Variants in ADSL observed in about 807,000 individuals in gnomAD.
The protein encoded by ADSL is adenylosuccinase.
Under a neutral mutation model 62.1 loss-of-function variants are expected in ADSL, and 44 were observed. That is an observed-to-expected ratio of 0.71 (90% CI 0.56 to 0.91). The LOEUF (loss-of-function observed/expected upper bound fraction) is 0.91. Ranked by LOEUF, ADSL falls within the 40% of genes least tolerant of loss-of-function variation. The pLI is 0.00. For missense variants in ADSL, 531 were observed against 627.4 expected (o/e 0.85, Z 1.64); for synonymous variants, 198 against 220.5 (o/e 0.90, Z 0.90).
intron 1 of ADSL, 103 bp from the exon 2 acceptor site, chr22:40,349,729 A>G: frequency 1.0e-6 from 1 of 996,408 alleles, no homozygotes; most frequent in Non-Finnish European, 1.5e-6. Flanking sequence ...GTTGGGAGAT[A>G]GGGTAGTGCT....
intron 6 of ADSL, among the ~76,000 whole-genome samples, chr22:40,359,624 G>A (rs1438381276): frequency 1.3e-5 from 2 of 150,406 alleles, no homozygotes; most frequent in African/African-American, 2.4e-5. Context: ...GGCAGCCTCC[G>A]CCTCCCAGTT....
At chr22:40,352,927 A>G in intron 2 of ADSL, 146 bp from the exon 3 acceptor site, 1 of 687,834 alleles carries the variant, frequency 1.5e-6, no homozygotes, top group East Asian at 2.8e-5. Flanking sequence ...AACTTGTGTT[A>G]GTATTTTCTG....
intron 9 of ADSL, among the ~76,000 whole-genome samples, chr22:40,362,200 C>G (rs1326531383): frequency 3.9e-5 from 6 of 152,278 alleles, no homozygotes; most frequent in African/African-American, 1.4e-4. Context: ...GCATCATTTT[C>G]TGTTTTATGT....
rs555241092 is a variant in ADSL at position 40,349,482 on chromosome 22, C to G, written c.154-350C>G. 3.3e-5 allele frequency among the ~76,000 whole-genome samples: 5 copies of G among 150,620 alleles called. No homozygotes were observed. The East Asian group carries it at 9.9e-4, about 30-fold the overall frequency. On this transcript the variant is annotated intron_variant, in intron 1 of 12. Transcript: ENST00000623063. ...CTCTGCCTCCTGGGTTCAAGCGATT[C>G]TCCAACCTCAGCCTCCTGAGTAGCT... is the stretch of plus-strand genomic sequence containing the variant.
chr22:40,354,148 G>A (rs565020464), intron 3 of ADSL, 100 bp from the exon 4 acceptor site: 37 of 1,038,320 alleles, frequency 3.6e-5, no homozygotes, highest in Admixed American at 6.7e-5. Flanking sequence ...ATGAGTTAGC[G>A]GTCTAATTTT....
Position 40,362,987 on chromosome 22 carries a change from C to G in ADSL, c.1017C>G (p.Ile339Met), listed in dbSNP as rs762710500. ...RTLDDSANRR[I>M]CLAEAFLTAD... is the part of the protein sequence containing the mutation. ...ATGGCTATTTGTTTTCTAGACGGAT[C>G]TGTTTGGCCGAGGCATTTCTTACCG... is the stretch of plus-strand genomic sequence containing the variant. The change falls in exon 10 of 13, where the codon ATC becomes ATG. Residue 339 changes from isoleucine (I) to methionine (M), a missense_variant. By Grantham distance (10) the Ile-to-Met change is conservative (BLOSUM62 1). Transcript: ENST00000623063. 1 of 1,613,646 alleles carries G rather than the reference C, an allele frequency of 6.2e-7. No individual in the cohort carries two copies. The highest frequency in any genetic ancestry group is 1.7e-5 in the Admixed American group (1 of 60,026).
rs1472708031 is a variant in ADSL at position 40,359,178 on chromosome 22, G to A, written c.655-82G>A. 13 of 1,586,170 alleles carry A rather than the reference G, an allele frequency of 8.2e-6. No homozygotes were observed. The Admixed American group carries it at 1.8e-4, about 22-fold the overall frequency. Reference sequence around the variant, plus strand: ...AAGGAAGTTGTGGGGGTTAGGGAGCGAGACCTGGGTAGGATGACAGGTTGA... The same window carrying A: ...AAGGAAGTTGTGGGGGTTAGGGAGCAAGACCTGGGTAGGATGACAGGTTGA... On this transcript the variant is annotated intron_variant, in intron 5 of 12. Transcript: ENST00000623063.
intron 1 of ADSL, among the ~76,000 whole-genome samples, chr22:40,347,809 G>T (rs117024557): frequency 6.6e-6 from 1 of 152,224 alleles, no homozygotes; most frequent in African/African-American, 2.4e-5. Context: ...CTGTTTTACA[G>T]ATGGAAGAAT....
At chr22:40,379,715 G>A (rs1194137092) in intron 2 of ADSL, among the ~76,000 whole-genome samples, 2 of 151,972 alleles carry the variant, frequency 1.3e-5, no homozygotes, top group Non-Finnish European at 2.9e-5. Context: ...TGTGGTCTCT[G>A]TTCTTATTAT....
chr22:40,353,794 T>C, intron 3 of ADSL: 1 of 265,610 alleles, frequency 3.8e-6, no homozygotes, highest in South Asian at 4.0e-5. Context: ...CCCAGCTATT[T>C]TTTTTGTATT....
rs2045010910 is a variant in ADSL at position 40,366,469 on chromosome 22, C to T, written c.1402C>T (p.Leu468=). The change falls in exon 13 of 13, where the codon CTG becomes TTG. Residue 468 remains leucine (L), a synonymous_variant. Coordinates refer to ENST00000623063, the MANE Select transcript of ADSL (RefSeq NM_000026.4). ...ATTCTTAGAAGAGGAGGTGTATCCC[C>T]TGTTAAAACCATATGAAAGCGTGAT... is the stretch of plus-strand genomic sequence containing the variant. ...QRFLEEEVYP[L]LKPYESVMKV... 6.2e-7 allele frequency: 1 copy of T among 1,613,534 alleles called. No individual in the cohort carries two copies. Among genetic ancestry groups the T allele is most frequent in the South Asian group, 1.1e-5 (1 of 91,078 alleles).
At chr22:40,357,123 T>A (rs1454096237) in intron 4 of ADSL, among the ~76,000 whole-genome samples, 2 of 151,842 alleles carry the variant, frequency 1.3e-5, no homozygotes, top group Non-Finnish European at 2.9e-5. Context: ...CTCAAACTCC[T>A]GGCTTCAAGT....
In ADSL at chr22:40,366,842, C is replaced by T; in HGVS notation, c.*320C>T. ...GTAAAGTAGCAAGAAATTTCTGGTC[C>T]TGTCTTCTAAAAGTGAATTTGATCT... On this transcript the variant is annotated 3_prime_UTR_variant, in exon 13 of 13. Transcript: ENST00000623063. 1 of 346,512 alleles carries T rather than the reference C, an allele frequency of 2.9e-6. No individual in the cohort carries two copies. The highest frequency in any genetic ancestry group is 5.5e-6 in the Non-Finnish European group (1 of 181,526). The allele number at this position is 346,512 out of a possible 1,614,324, so 21.5% of individuals were successfully genotyped here.
intron 4 of ADSL, among the ~76,000 whole-genome samples, chr22:40,354,697 G>T (rs1043391526): frequency 3.9e-5 from 6 of 151,988 alleles, no homozygotes; most frequent in Admixed American, 3.9e-4. Flanking sequence ...GTGGTGAAAC[G>T]CTGTCTCTAC....
At chr22:40,357,186 G>A (rs1363435736) in intron 4 of ADSL, among the ~76,000 whole-genome samples, 2 of 150,410 alleles carry the variant, frequency 1.3e-5, no homozygotes, top group Non-Finnish European at 3.0e-5. Flanking sequence ...GTGAGACACC[G>A]CACCTGGCCT....
chr22:40,383,030 A>G (rs1039131736), intron 2 of ADSL, among the ~76,000 whole-genome samples: 3 of 152,170 alleles, frequency 2.0e-5, no homozygotes, highest in African/African-American at 7.2e-5. Flanking sequence ...AAAACAGGTA[A>G]TTAAATATCT....
chr22:40,386,435 A>G (rs761122506), intron 2 of ADSL, among the ~76,000 whole-genome samples: 5 of 152,140 alleles, frequency 3.3e-5, no homozygotes, highest in African/African-American at 7.2e-5. Context: ...ATGTAATCCA[A>G]TGGGCCTGTC....
chr22:40,382,964 G>T (rs1250127910), intron 2 of ADSL, among the ~76,000 whole-genome samples: 2 of 152,170 alleles, frequency 1.3e-5, no homozygotes, highest in Non-Finnish European at 2.9e-5. Flanking sequence ...AAAGGTGAAG[G>T]TAGATTTCTT....
intron 7 of ADSL, among the ~76,000 whole-genome samples, chr22:40,360,765 C>G (rs566631461): frequency 6.6e-6 from 1 of 151,494 alleles, no homozygotes; most frequent in African/African-American, 2.4e-5. Context: ...TCTTGTTGCC[C>G]AGGCTGGAGT....
Sources: gnomAD v4.1 joint callset for allele counts (sites outside exome capture counted in the v4.1 genomes callset) on GRCh38, gnomAD v4.1.1 for gene constraint, MANE v1.5 for transcripts, NCBI Gene and HGNC (gene_info 2026-07-23, HGNC 2026-07-21) for gene names.